The following SSNA1 variants were observed in gnomAD, a reference collection of about 807,000 sequenced individuals.
SSNA1 encodes the protein microtubule nucleation factor SSNA1.
Under a neutral mutation model 13.3 loss-of-function variants are expected in SSNA1, and 13 were observed. That is an observed-to-expected ratio of 0.97 (90% CI 0.63 to 1.55). The LOEUF (loss-of-function observed/expected upper bound fraction) is 1.55. Ranked by LOEUF, SSNA1 falls within the 40% of genes most tolerant of loss-of-function variation. SSNA1 has a pLI of 0.00. For synonymous variants in SSNA1, 89 were observed against 65.9 expected (o/e 1.35, Z -1.70); for missense variants, 186 against 152.7 (o/e 1.22, Z -1.15).
At chr9:137,188,914 TGTCCGTGGCCCG>T in intron 1 of SSNA1, 136 bp downstream of exon 1, 12 of 1,311,790 alleles carry the variant, frequency 9.1e-6, no homozygotes, top group Non-Finnish European at 9.0e-6. Context: ...GGAGGCCGGG[TGTCCGTGGCCCG>T]AGCCCTCGCT....
intron 2 of SSNA1, among the ~76,000 whole-genome samples, 183 bp from the exon 3 acceptor site, chr9:137,189,624 C>T (rs1399924056): frequency 6.6e-6 from 1 of 152,230 alleles, no homozygotes; most frequent in Admixed American, 6.5e-5. Flanking sequence ...GGTCAGATTC[C>T]GGAGGGAAGA....
intron 1 of SSNA1, 22 bp downstream of exon 1, chr9:137,188,800 G>C (rs1202021897): frequency 3.9e-6 from 6 of 1,555,250 alleles, no homozygotes; most frequent in Non-Finnish European, 5.2e-6. Context: ...AGCCGGGACG[G>C]GGAGGTCGGG....
rs1228215340 is a variant in SSNA1 at position 137,189,121 on chromosome 9, G to A, written c.108G>A (p.Glu36=). The A allele has an allele frequency of 6.8e-6, 11 of 1,606,432 alleles. No individual in the cohort carries two copies. The highest frequency in any genetic ancestry group is 9.3e-6 in the Non-Finnish European group (11 of 1,176,706). The change falls in exon 2 of 3, where the codon GAG becomes GAA. Residue 36 remains glutamate, a synonymous_variant. Coordinates refer to ENST00000322310, the MANE Select transcript of SSNA1 (RefSeq NM_003731.3). ...AGCTGTGCCGGCAGATCCAGGAGGAGGAGGACGAGAAGCAGCGGCTGCAGA... is the reference window on the plus strand; with the variant it reads ...AGCTGTGCCGGCAGATCCAGGAGGAAGAGGACGAGAAGCAGCGGCTGCAGA... ...REELCRQIQE[E]EDEKQRLQNE...
At chr9:137,189,391 C>T (rs570897757) in intron 2 of SSNA1, 126 bp downstream of exon 2, 76 of 1,166,192 alleles carry the variant, frequency 6.5e-5, no homozygotes, top group Non-Finnish European at 8.7e-5. Context: ...GCATTTCGGG[C>T]AGGGGCAGCG....
chr9:137,190,094 G>A lies in SSNA1; in HGVS notation c.*180G>A. 3.3e-6 allele frequency: 2 copies of A among 599,526 alleles called. No homozygotes were observed. The highest frequency in any genetic ancestry group is 2.9e-5 in the Admixed American group (1 of 34,900). 37.1% of individuals were successfully genotyped at this position (599,526 alleles called of 1,614,324 possible). A position where few individuals can be genotyped will look rare whatever the true frequency, so the allele number is the denominator to read the frequency against. On this transcript the variant is annotated 3_prime_UTR_variant, in exon 3 of 3. Transcript: ENST00000322310. ...ACAAGCCCAGGGCACAGCCCACCCG[G>A]GGGTCCTCGCTTCATGCTCACACAG... is the stretch of plus-strand genomic sequence containing the variant.
chr9:137,189,231 G>C lies in SSNA1; in HGVS notation c.218G>C (p.Arg73Pro). The C allele has an allele frequency of 6.2e-7, 1 of 1,613,108 alleles. No homozygotes were observed. The highest frequency in any genetic ancestry group is 1.6e-4 in the Middle Eastern group (1 of 6,062). Residue 73 changes from arginine (R) to proline (P), a missense_variant, in exon 2 of 3, where the codon CGG becomes CCG. By Grantham distance (103) the Arg-to-Pro change is moderately radical. Coordinates refer to ENST00000322310, the MANE Select transcript of SSNA1 (RefSeq NM_003731.3). ...RKIASRNEFD[R>P]TIAETEAAYL... ...ATTGCCTCTCGCAACGAGTTCGACC[G>C]GACCATCGCGGAGACGGAGGCCGCC...
rs750207161 is a variant in SSNA1, at chr9:137,188,766, G to C, written c.40G>C (p.Glu14Gln). The C allele has an allele frequency of 1.3e-6, 2 of 1,584,108 alleles. No individual in the cohort carries two copies. Among genetic ancestry groups the C allele is most frequent in the South Asian group, 1.1e-5 (1 of 89,014 alleles). Residue 14 changes from glutamate (E) to glutamine (Q), a missense_variant, in exon 1 of 3, where the codon GAG becomes CAG. Coordinates refer to ENST00000322310, the MANE Select transcript of SSNA1 (RefSeq NM_003731.3). ...CGCGGCGCTGCAGAACTACAACAAC[G>C]AGCTGGTCAAGTGTGAGCGGCGCAG... ...QGAALQNYNN[E>Q]LVKCIEELCQ...
rs1321453110 is a variant in SSNA1 at position 137,189,888 on chromosome 9, A to G, written c.334A>G (p.Lys112Glu). ...GACCAAGGCTACAGCCCCAGACCAG[A>G]AAAGTAGCGGCGGCAGGGACAGCTG... ...NLTKATAPDQ[K>E]SSGGRDS The change falls in exon 3 of 3, where the codon AAA becomes GAA. Residue 112 changes from lysine to glutamate, a missense_variant. Physicochemically the swap from Lys to Glu is moderately conservative, Grantham distance 56. Coordinates refer to ENST00000322310, the MANE Select transcript of SSNA1 (RefSeq NM_003731.3). 2 of 1,613,800 alleles carry G rather than the reference A, an allele frequency of 1.2e-6. No individual in the cohort carries two copies. The highest frequency in any genetic ancestry group is 2.2e-5 in the East Asian group (1 of 44,886).
chr9:137,189,314 G>A (rs777416218), intron 2 of SSNA1, 49 bp downstream of exon 2: 70 of 1,601,876 alleles, frequency 4.4e-5, no homozygotes, highest in Non-Finnish European at 6.0e-5. Flanking sequence ...GCACGGCAGG[G>A]GTGTTGCCAC....
intron 1 of SSNA1, 79 bp downstream of exon 1, chr9:137,188,857 C>A: frequency 6.9e-7 from 1 of 1,441,032 alleles, no homozygotes; most frequent in Non-Finnish European, 9.1e-7. Context: ...TGCCCCTGGA[C>A]CCGCCTCGCT....
chr9:137,189,274 C>T lies in SSNA1; in HGVS notation c.252+9C>T, dbSNP rs767608852. 3.7e-6 allele frequency: 6 copies of T among 1,612,724 alleles called. No homozygotes were observed. Among genetic ancestry groups the T allele is most frequent in the East Asian group, 2.2e-5 (1 of 44,894 alleles). On this transcript the variant is annotated intron_variant, in intron 2 of 2. Coordinates refer to ENST00000322310, the MANE Select transcript of SSNA1 (RefSeq NM_003731.3). ...AGGCCGCCTACCTCAAGGTGGAGCT[C>T]GGGAGGCCAGGCCGAGCATCAGGGG... is the stretch of plus-strand genomic sequence containing the variant.
Position 137,190,160 on chromosome 9 carries a change from C to G in SSNA1, c.*246C>G, listed in dbSNP as rs1834582875. On this transcript the variant is annotated 3_prime_UTR_variant, in exon 3 of 3. Transcript: ENST00000322310. The stretch of plus-strand genomic sequence containing the variant: ...GGCTCCAGGTCAGCTCTGCAAGGGG[C>G]TTGTCTCTGTGGCACCCACACTCCT... The G allele has an allele frequency of 4.2e-6, 2 of 480,820 alleles. No homozygotes were observed. The highest frequency in any genetic ancestry group is 7.0e-5 in the Admixed American group (2 of 28,508). The allele number at this position is 480,820 out of a possible 1,614,324, so 29.8% of individuals were successfully genotyped here.
chr9:137,188,993 G>A, intron 1 of SSNA1, 73 bp from the exon 2 acceptor site: 3 of 1,509,070 alleles, frequency 2.0e-6, no homozygotes, highest in Non-Finnish European at 2.7e-6. Flanking sequence ...GGCTTCCTCG[G>A]GTGGAAGGAG....
Position 137,188,869 on chromosome 9 carries a change from C to G in SSNA1, c.52+91C>G, listed in dbSNP as rs1026460670. ...GGGTGCCCCTGGACCCGCCTCGCTG[C>G]GGGCATCGCGCGGCTGAGCAGAGCC... is the stretch of plus-strand genomic sequence containing the variant. On this transcript the variant is annotated intron_variant, in intron 1 of 2. Transcript: ENST00000322310. 10 of 1,395,060 alleles carry G rather than the reference C, an allele frequency of 7.2e-6. No homozygotes were observed. The South Asian group carries it at 1.0e-4, about 14-fold the overall frequency. The allele number at this position is 1,395,060 out of a possible 1,614,324, so 86.4% of individuals were successfully genotyped here.
chr9:137,189,832 T>C lies in SSNA1; in HGVS notation c.278T>C (p.Leu93Pro). Residue 93 changes from leucine (L) to proline (P), a missense_variant, in exon 3 of 3, where the codon CTC becomes CCC. By Grantham distance (98) the Leu-to-Pro change is moderately conservative. Coordinates refer to ENST00000322310, the MANE Select transcript of SSNA1 (RefSeq NM_003731.3). ...ATCCTGGAGAGCTCCCAGACTTTGC[T>C]CAGCGTTCTCAAGAGGGAAGCTGGG... The part of the protein sequence containing the change: ...LKILESSQTL[L>P]SVLKREAGNL... 1 of 1,613,982 alleles carries C rather than the reference T, an allele frequency of 6.2e-7. No individual in the cohort carries two copies. Among genetic ancestry groups the C allele is most frequent in the Non-Finnish European group, 8.5e-7 (1 of 1,179,996 alleles).
intron 2 of SSNA1, 72 bp from the exon 3 acceptor site, chr9:137,189,735 G>T: frequency 6.4e-6 from 9 of 1,410,062 alleles, no homozygotes; most frequent in Middle Eastern, 1.8e-4. Context: ...GCACCTGAGT[G>T]TGAGGACAGC....
chr9:137,189,347 G>GA, intron 2 of SSNA1, 82 bp downstream of exon 2: 1 of 1,518,866 alleles, frequency 6.6e-7, no homozygotes, highest in Non-Finnish European at 9.1e-7. Flanking sequence ...GGACCGGCTG[G>GA]GGCTCCCGGC....
chr9:137,188,877 G>A, intron 1 of SSNA1, 99 bp downstream of exon 1: 1 of 1,382,280 alleles, frequency 7.2e-7, no homozygotes. Flanking sequence ...TGCGGGCATC[G>A]CGCGGCTGAG....
At position 137,189,941 on chromosome 9, in the gene SSNA1, G is replaced by T; in HGVS notation, c.*27G>T. 6.3e-7 allele frequency: 1 copy of T among 1,590,630 alleles called. No homozygotes were observed. Among genetic ancestry groups the T allele is most frequent in the Non-Finnish European group, 8.6e-7 (1 of 1,160,144 alleles). On this transcript the variant is annotated 3_prime_UTR_variant, in exon 3 of 3. Transcript: ENST00000322310. Reference sequence around the variant, plus strand: ...CAGACCACGGGCAGGGCCTGCCTCCGTGTGCCCCTCAGCTCAGCCCCAGCA... The same window carrying T: ...CAGACCACGGGCAGGGCCTGCCTCCTTGTGCCCCTCAGCTCAGCCCCAGCA...
Sources: gnomAD v4.1 joint callset for allele counts (sites outside exome capture counted in the v4.1 genomes callset) on GRCh38, gnomAD v4.1.1 for gene constraint, MANE v1.5 for transcripts, NCBI Gene and HGNC (gene_info 2026-07-23, HGNC 2026-07-21) for gene names.